GALR1: variants seen among roughly 807,000 people sequenced by gnomAD.
GALR1 encodes the protein galanin receptor type 1.
In GALR1, 11 loss-of-function variants were observed where a neutral mutation model predicts 17.9. That is an observed-to-expected ratio of 0.62 (90% CI 0.39 to 1.02). The LOEUF is 1.02. Among genes scored for constraint, GALR1 ranks in the 50% least tolerant of loss-of-function variants. GALR1 has a pLI of 0.01. For synonymous variants in GALR1, 206 were observed against 205.7 expected, an observed-to-expected ratio of 1.00 and a Z score of -0.01; for missense variants, 441 against 456.9, an observed-to-expected ratio of 0.97 and a Z score of 0.32.
At chr18:77,267,387 A>T (rs753548523) in intron 2 of GALR1, among the ~76,000 whole-genome samples, 2 of 152,136 alleles carry the variant, frequency 1.3e-5, no homozygotes, top group African/African-American at 2.4e-5. Flanking sequence ...GACACTGGGC[A>T]TTTGCTCTTC....
intron 2 of GALR1, among the ~76,000 whole-genome samples, chr18:77,265,241 T>C (rs1912920378): frequency 6.6e-6 from 1 of 152,184 alleles, no homozygotes; most frequent in South Asian, 2.1e-4. Context: ...ACAAAGAGGC[T>C]ACAGGCCCCA....
At chr18:77,264,967 G>A (rs1185487724) in intron 2 of GALR1, among the ~76,000 whole-genome samples, 1 of 152,130 alleles carries the variant, frequency 6.6e-6, no homozygotes, top group East Asian at 1.9e-4. Flanking sequence ...GCCAAACCAT[G>A]TCTTACTGCT....
At chr18:77,256,883 G>T (rs1912604038) in intron 2 of GALR1, among the ~76,000 whole-genome samples, 1 of 152,138 alleles carries the variant, frequency 6.6e-6, no homozygotes, top group African/African-American at 2.4e-5. Context: ...CATTTTGGGG[G>T]AAAACTATTT....
At chr18:77,256,069 A>T in intron 1 of GALR1, 89 bp from the exon 2 acceptor site, 1 of 731,074 alleles carries the variant, frequency 1.4e-6, no homozygotes, top group Non-Finnish European at 2.4e-6. Context: ...TGATGTTACC[A>T]TTTCAGCATG....
intron 2 of GALR1, among the ~76,000 whole-genome samples, chr18:77,262,302 C>T (rs971299327): frequency 1.4e-4 from 21 of 151,752 alleles, no homozygotes; most frequent in African/African-American, 4.8e-4. Context: ...AGTACACGTG[C>T]ATTATTTTGC....
rs1193081379 is a variant in GALR1, at chr18:77,259,449, C to CATGGTGGTG, written c.732+3243_732+3251dup. Among the ~76,000 whole-genome samples the CATGGTGGTG allele has an allele frequency of 2.3e-4, 14 of 59,694 alleles. 1 individual carries two copies. The highest frequency in any genetic ancestry group is 5.5e-4 in the South Asian group (1 of 1,810). The allele number at this position is 59,694 out of a possible 152,430, so 39.2% of individuals were successfully genotyped here. Reference sequence around the variant, plus strand: ...TGGTCATGGTGGTGATGATGGTGATCATGGTGGTGATGGTGGTGATGGTGG... The same window carrying CATGGTGGTG: ...TGGTCATGGTGGTGATGATGGTGATCATGGTGGTGATGGTGGTGATGGTGGTGATGGTGG... On this transcript the variant is annotated intron_variant, in intron 2 of 2. Transcript: ENST00000299727.
chr18:77,264,278 C>G (rs184121580), intron 2 of GALR1, among the ~76,000 whole-genome samples: 33 of 152,060 alleles, frequency 2.2e-4, no homozygotes, highest in Middle Eastern at 3.4e-3. Flanking sequence ...GTAGGAAGTC[C>G]TATGTCCCAA....
rs2144970036 is a variant in GALR1, at chr18:77,270,395, GT to G, written c.*1496del. On this transcript the variant is annotated 3_prime_UTR_variant, in exon 3 of 3. Transcript: ENST00000299727. ...CTGGGTGTGGTGGCGCACGCCTGTA[GT>G]TTCAGCTACTCTGGAGGCTGATGTG... 2 of 152,286 alleles carry G rather than the reference GT, an allele frequency of 1.3e-5. No individual in the cohort carries two copies. Among genetic ancestry groups the G allele is most frequent in the African/African-American group, 4.8e-5 (2 of 41,532 alleles). The allele number at this position is 152,286 out of a possible 1,614,324, so 9.4% of individuals were successfully genotyped here. A position where few individuals can be genotyped will look rare whatever the true frequency, so the allele number is the denominator to read the frequency against.
Position 77,250,727 on chromosome 18 carries a change from G to T in GALR1, c.179G>T (p.Arg60Leu), listed in dbSNP as rs770801123. ...GNSLVITVLA[R>L]SKPGKPRSTT... ...AGCCTAGTGATCACCGTGCTGGCGC[G>T]CAGCAAGCCGGGCAAGCCGCGGAGC... The change falls in exon 1 of 3, where the codon CGC becomes CTC. Residue 60 changes from arginine to leucine, a missense_variant. By Grantham distance (102) the Arg-to-Leu change is moderately radical. Transcript: ENST00000299727. The T allele has an allele frequency of 8.1e-6, 13 of 1,613,608 alleles. 1 individual carries two copies. Among genetic ancestry groups the T allele is most frequent in the Admixed American group, 6.7e-5 (4 of 60,016 alleles).
chr18:77,259,703 G>A (rs369796742), intron 2 of GALR1, among the ~76,000 whole-genome samples: 9 of 139,852 alleles, frequency 6.4e-5, no homozygotes, highest in South Asian at 2.4e-4. Context: ...TGTGGTGATG[G>A]TGGTGATGGT....
chr18:77,262,015 G>T (rs1372846746), intron 2 of GALR1, among the ~76,000 whole-genome samples: 1 of 152,026 alleles, frequency 6.6e-6, no homozygotes, highest in Non-Finnish European at 1.5e-5. Flanking sequence ...TTTTTTAAAG[G>T]TGGGGACTCA....
rs920768888 is a variant in GALR1, at chr18:77,269,570, G to C, written c.*668G>C. On this transcript the variant is annotated 3_prime_UTR_variant, in exon 3 of 3. Coordinates refer to ENST00000299727, the MANE Select transcript of GALR1 (RefSeq NM_001480.4). ...ACTGGTGACCTGGGATGCAGTAGTA[G>C]GCACTGTTGATTCAAATTTATCCTG... 1 of 152,252 alleles carries C rather than the reference G, an allele frequency of 6.6e-6. No individual in the cohort carries two copies. Among genetic ancestry groups the C allele is most frequent in the African/African-American group, 2.4e-5 (1 of 41,440 alleles). The allele number at this position is 152,252 out of a possible 1,614,324, so 9.4% of individuals were successfully genotyped here.
At chr18:77,252,980 TCACCACCATCACCAC>T (rs1912494719) in intron 1 of GALR1, among the ~76,000 whole-genome samples, 407 of 22,784 alleles carry the variant, frequency 0.018, 2 homozygotes, top group Middle Eastern at 0.065. Flanking sequence ...ATCACCACCA[TCACCACCATCACCAC>T]CACCACCACC....
intron 2 of GALR1, among the ~76,000 whole-genome samples, chr18:77,267,149 A>C (rs1423048656): frequency 6.6e-6 from 1 of 152,210 alleles, no homozygotes; most frequent in Non-Finnish European, 1.5e-5. Flanking sequence ...GAGGCTGGGG[A>C]AGCACTCTGT....
intron 2 of GALR1, among the ~76,000 whole-genome samples, chr18:77,260,053 A>C (rs150965863): frequency 3.9e-5 from 6 of 152,234 alleles, no homozygotes; most frequent in African/African-American, 1.4e-4. Context: ...TCAATGTATA[A>C]GTAAAGTTCC....
chr18:77,267,984 T>C (rs1912979361), intron 2 of GALR1, among the ~76,000 whole-genome samples: 1 of 152,196 alleles, frequency 6.6e-6, no homozygotes, highest in African/African-American at 2.4e-5. Flanking sequence ...TTCTAAGTAT[T>C]TCTGATTTAG....
Position 77,270,995 on chromosome 18 carries a change from GT to G in GALR1, c.*2094del, listed in dbSNP as rs1424362075. 1.3e-5 allele frequency: 2 copies of G among 152,190 alleles called. No homozygotes were observed. Among genetic ancestry groups the G allele is most frequent in the Admixed American group, 1.3e-4 (2 of 15,278 alleles). The allele number at this position is 152,190 out of a possible 1,614,324, so 9.4% of individuals were successfully genotyped here. A position where few individuals can be genotyped will look rare whatever the true frequency, so the allele number is the denominator to read the frequency against. The stretch of plus-strand genomic sequence containing the variant: ...TTTGGGTGTGAACTCACAAAACTGT[GT>G]AAAGAAGTGCCTTCTTGTTGTGTTT... On this transcript the variant is annotated 3_prime_UTR_variant, in exon 3 of 3. Transcript: ENST00000299727.
intron 2 of GALR1, among the ~76,000 whole-genome samples, chr18:77,265,659 T>C (rs2144966158): frequency 6.6e-6 from 1 of 152,310 alleles, no homozygotes; most frequent in East Asian, 1.9e-4. Flanking sequence ...ATCCAAGCAT[T>C]TCCATACATC....
intron 2 of GALR1, among the ~76,000 whole-genome samples, chr18:77,267,783 C>T (rs571737135): frequency 6.6e-6 from 1 of 152,294 alleles, no homozygotes; most frequent in East Asian, 1.9e-4. Flanking sequence ...GACGAGGTTG[C>T]CCTGAGGCTT....
Sources: gnomAD v4.1 joint callset for allele counts (sites outside exome capture counted in the v4.1 genomes callset) on GRCh38, gnomAD v4.1.1 for gene constraint, MANE v1.5 for transcripts, NCBI Gene and HGNC (gene_info 2026-07-23, HGNC 2026-07-21) for gene names.